CARMIL1: variants seen among roughly 807,000 people sequenced by gnomAD.
CARMIL1 encodes the protein F-actin-uncapping protein LRRC16A.
CARMIL1 carries 90 observed loss-of-function variants against 177.1 expected under a neutral mutation model. The observed-to-expected ratio is 0.51, with a 90% confidence interval of 0.43 to 0.61. CARMIL1 has a LOEUF of 0.61. CARMIL1 is among the 20% of genes least tolerant of loss of function. CARMIL1 has a pLI of 0.00. For synonymous variants in CARMIL1, 577 were observed against 606.2 expected, an observed-to-expected ratio of 0.95 and a Z score of 0.71; for missense variants, 1,380 against 1,667.0, an observed-to-expected ratio of 0.83 and a Z score of 3.00.
intron 3 of CARMIL1, among the ~76,000 whole-genome samples, chr6:25,426,219 T>C (rs943192986): frequency 1.3e-5 from 2 of 152,190 alleles, no homozygotes; most frequent in African/African-American, 4.8e-5. Context: ...TCTACTATTG[T>C]GTTTGTCTCT....
At chr6:25,307,032 C>A (rs1783330164) in intron 2 of CARMIL1, among the ~76,000 whole-genome samples, 1 of 152,028 alleles carries the variant, frequency 6.6e-6, no homozygotes, top group South Asian at 2.1e-4. Context: ...GCGCCTGCCA[C>A]CACGCCTGGC....
intron 36 of CARMIL1, among the ~76,000 whole-genome samples, chr6:25,617,104 A>G (rs1187277070): frequency 2.0e-5 from 3 of 152,170 alleles, no homozygotes; most frequent in South Asian, 2.1e-4. Flanking sequence ...TTGAAATAAT[A>G]TATTATTTTT....
chr6:25,441,794 G>A (rs913183339), intron 5 of CARMIL1, among the ~76,000 whole-genome samples: 1 of 152,082 alleles, frequency 6.6e-6, no homozygotes, highest in African/African-American at 2.4e-5. Flanking sequence ...TTTTCTCAGG[G>A]TTGTCTGTGA....
intron 2 of CARMIL1, among the ~76,000 whole-genome samples, chr6:25,304,649 T>A (rs1783125752): frequency 6.6e-6 from 1 of 152,226 alleles, no homozygotes; most frequent in Non-Finnish European, 1.5e-5. Flanking sequence ...CTGTGCGGTC[T>A]GGTTCCTAAC....
intron 26 of CARMIL1, among the ~76,000 whole-genome samples, chr6:25,542,374 C>G (rs1293646728): frequency 6.6e-6 from 1 of 152,140 alleles, no homozygotes; most frequent in Admixed American, 6.6e-5. Flanking sequence ...ATTTAGGATT[C>G]AAAATATTTT....
At chr6:25,388,719 G>C (rs1792436063) in intron 2 of CARMIL1, among the ~76,000 whole-genome samples, 1 of 151,730 alleles carries the variant, frequency 6.6e-6, no homozygotes, top group African/African-American at 2.4e-5. Flanking sequence ...ATCTAGGCTG[G>C]AGTGCAATGG....
intron 2 of CARMIL1, among the ~76,000 whole-genome samples, chr6:25,391,526 G>C (rs1159260242): frequency 6.6e-6 from 1 of 152,204 alleles, no homozygotes; most frequent in Non-Finnish European, 1.5e-5. Flanking sequence ...ATGATGGGTT[G>C]AGGTTGGTCT....
intron 1 of CARMIL1, among the ~76,000 whole-genome samples, chr6:25,281,138 A>G (rs62393626): frequency 0.092 from 5,905 of 63,862 alleles, 163 homozygotes; most frequent in South Asian, 0.2. Flanking sequence ...GCGCGCGCGC[A>G]CACACACACA....
chr6:25,456,681 GGT>G (rs1222638374), intron 8 of CARMIL1, among the ~76,000 whole-genome samples: 1 of 152,068 alleles, frequency 6.6e-6, no homozygotes, highest in East Asian at 1.9e-4. Context: ...GGTACTTACT[GGT>G]GCCAAGAAGA....
intron 2 of CARMIL1, among the ~76,000 whole-genome samples, chr6:25,386,085 A>G (rs759340338): frequency 2.6e-5 from 4 of 152,246 alleles, no homozygotes; most frequent in Non-Finnish European, 5.9e-5. Context: ...AATGAAGGGT[A>G]GGATTAACCT....
intron 11 of CARMIL1, among the ~76,000 whole-genome samples, chr6:25,477,621 CA>C (rs1459240775): frequency 1.4e-5 from 2 of 144,418 alleles, no homozygotes; most frequent in Non-Finnish European, 3.1e-5. Context: ...TCATGACAAG[CA>C]ATTTTTTTTT....
At chr6:25,407,599 C>T (rs115907082) in intron 2 of CARMIL1, among the ~76,000 whole-genome samples, 8 of 152,292 alleles carry the variant, frequency 5.3e-5, no homozygotes, top group Non-Finnish European at 1.2e-4. Flanking sequence ...AAGATCAGTT[C>T]TCCAGCTGTG....
intron 2 of CARMIL1, among the ~76,000 whole-genome samples, chr6:25,351,309 A>T (rs569924486): frequency 6.6e-6 from 1 of 152,378 alleles, no homozygotes; most frequent in East Asian, 1.9e-4. Context: ...GTTAAATAAA[A>T]TATTATTAAA....
chr6:25,323,239 A>G (rs1784817452), intron 2 of CARMIL1, among the ~76,000 whole-genome samples: 1 of 151,844 alleles, frequency 6.6e-6, no homozygotes, highest in Non-Finnish European at 1.5e-5. Flanking sequence ...CTGGAAAAGT[A>G]TTGGTAGAAA....
rs778398221 is a variant in CARMIL1, at chr6:25,556,824, C to A, written c.2716C>A (p.Arg906Ser). 1 of 1,612,918 alleles carries A rather than the reference C, an allele frequency of 6.2e-7. No homozygotes were observed. The highest frequency in any genetic ancestry group is 1.3e-5 in the African/African-American group (1 of 74,820). ...ITVEELTEIE[R>S]LEDLDTCMMT... ...AGTGGAGGAGCTAACAGAGATAGAG[C>A]GTTTGGAAGATCTGGATACCTGTAT... The change falls in exon 29 of 37, where the codon CGT (arginine) becomes AGT (serine). Residue 906 changes from arginine (R) to serine (S), a missense_variant. Transcript: ENST00000329474.
At chr6:25,605,556 G>T (rs1815869725) in intron 34 of CARMIL1, among the ~76,000 whole-genome samples, 1 of 152,140 alleles carries the variant, frequency 6.6e-6, no homozygotes, top group African/African-American at 2.4e-5. Flanking sequence ...ATGGATGGAG[G>T]TGGGGGATGA....
chr6:25,560,596 A>G (rs1038507975), intron 29 of CARMIL1, among the ~76,000 whole-genome samples: 16 of 152,200 alleles, frequency 1.1e-4, no homozygotes, highest in Non-Finnish European at 1.8e-4. Context: ...TGTTTAACAA[A>G]TGAGGAAACT....
At chr6:25,286,288 T>A (rs1217696773) in intron 2 of CARMIL1, among the ~76,000 whole-genome samples, 1 of 152,270 alleles carries the variant, frequency 6.6e-6, no homozygotes, top group Non-Finnish European at 1.5e-5. Context: ...CTCCAGGATA[T>A]GTGATTGTCT....
chr6:25,390,021 A>G (rs949919495), intron 2 of CARMIL1, among the ~76,000 whole-genome samples: 1 of 152,156 alleles, frequency 6.6e-6, no homozygotes, highest in Admixed American at 6.5e-5. Context: ...ACATTGCAAA[A>G]GTGAAGTATT....
Sources: gnomAD v4.1 joint callset for allele counts (sites outside exome capture counted in the v4.1 genomes callset) on GRCh38, gnomAD v4.1.1 for gene constraint, MANE v1.5 for transcripts, NCBI Gene and HGNC (gene_info 2026-07-23, HGNC 2026-07-21) for gene names.